The following NCKAP5 variants were observed in gnomAD, a reference collection of about 807,000 sequenced individuals.
NCKAP5 encodes NCK associated protein 5.
Under a neutral mutation model 167.0 loss-of-function variants are expected in NCKAP5, and 92 were observed. The ratio of observed to expected loss-of-function variants is 0.55; its 90% CI spans 0.47 to 0.66. NCKAP5 has a LOEUF of 0.66. NCKAP5 is among the 30% of genes least tolerant of loss of function. The probability of loss-of-function intolerance (pLI) is 0.00; values close to 1 mark genes in which losing one functional copy is unlikely to be tolerated. For synonymous variants in NCKAP5, 891 were observed against 877.4 expected (o/e 1.02, Z -0.27); for missense variants, 2,378 against 2,315.0 (o/e 1.03, Z -0.56).
At chr2:132,852,674 T>C (rs1172497467) in intron 11 of NCKAP5, among the ~76,000 whole-genome samples, 1 of 152,222 alleles carries the variant, frequency 6.6e-6, no homozygotes, top group Non-Finnish European at 1.5e-5. Context: ...CTGGGATCAA[T>C]GTAAATATAA....
At chr2:133,002,384 T>G (rs115580153) in intron 6 of NCKAP5, among the ~76,000 whole-genome samples, 2,563 of 152,296 alleles carry the variant, frequency 0.017, 30 homozygotes, top group Middle Eastern at 0.061. Context: ...ATAGAATAAT[T>G]ATGACAACAC....
chr2:133,657,025 T>C, the NCKAP5 span, among the ~76,000 whole-genome samples: 8 of 152,212 alleles, frequency 5.3e-5, no homozygotes, highest in African/African-American at 1.9e-4. Context: ...ATGCGATGTT[T>C]GGTTTTCCAT....
At chr2:132,884,152 C>T (rs760686192) in intron 8 of NCKAP5, among the ~76,000 whole-genome samples, 7 of 152,138 alleles carry the variant, frequency 4.6e-5, no homozygotes, top group African/African-American at 7.2e-5. Flanking sequence ...CTGTGAACAC[C>T]CCAGTCCCTC....
intron 8 of NCKAP5, among the ~76,000 whole-genome samples, chr2:132,941,732 T>C (rs1376866059): frequency 1.3e-5 from 2 of 152,186 alleles, no homozygotes; most frequent in Non-Finnish European, 2.9e-5. Flanking sequence ...TTAAGGCAAT[T>C]TGAGGTAATT....
intron 6 of NCKAP5, among the ~76,000 whole-genome samples, chr2:133,094,604 A>G (rs1210651885): frequency 6.6e-6 from 1 of 152,104 alleles, no homozygotes; most frequent in Non-Finnish European, 1.5e-5. Context: ...GCTCCCCTAA[A>G]ATGTCCTCTC....
the NCKAP5 span, among the ~76,000 whole-genome samples, chr2:133,630,597 T>TA: frequency 1.5e-3 from 226 of 148,144 alleles, 1 homozygote; most frequent in African/African-American, 4.7e-3. Context: ...CCTCAGAACT[T>TA]AAAAAAAAAA....
At chr2:133,456,130 A>T (rs949182502) in intron 3 of NCKAP5, among the ~76,000 whole-genome samples, 2 of 152,188 alleles carry the variant, frequency 1.3e-5, no homozygotes, top group African/African-American at 4.8e-5. Context: ...TAAATTAAGG[A>T]TGGGACCTGT....
At chr2:133,383,897 C>A (rs1472845588) in intron 3 of NCKAP5, among the ~76,000 whole-genome samples, 1 of 152,166 alleles carries the variant, frequency 6.6e-6, no homozygotes, top group African/African-American at 2.4e-5. Context: ...CCTTCGCCCA[C>A]TTTTTGATGG....
chr2:133,380,461 A>G (rs1022841474), intron 3 of NCKAP5, among the ~76,000 whole-genome samples: 2 of 152,208 alleles, frequency 1.3e-5, no homozygotes, highest in East Asian at 3.8e-4. Flanking sequence ...AAAGACCTCA[A>G]TCAACCAGTA....
intron 6 of NCKAP5, among the ~76,000 whole-genome samples, chr2:133,078,541 A>G (rs897729384): frequency 2.6e-5 from 4 of 152,072 alleles, no homozygotes; most frequent in African/African-American, 9.7e-5. Context: ...GAAATACGGG[A>G]CTGGGGTGAA....
the NCKAP5 span, among the ~76,000 whole-genome samples, chr2:133,605,970 G>A: frequency 7.7e-3 from 1,179 of 152,224 alleles, 17 homozygotes; most frequent in Admixed American, 0.041. Context: ...CACTAAAATG[G>A]AAATTGAAGC....
intron 5 of NCKAP5, among the ~76,000 whole-genome samples, chr2:133,206,474 T>A (rs2085958498): frequency 6.6e-6 from 1 of 152,214 alleles, no homozygotes; most frequent in Non-Finnish European, 1.5e-5. Context: ...ATAATACTCT[T>A]ATAATTTCTT....
chr2:133,197,236 A>T (rs533322979), intron 5 of NCKAP5, among the ~76,000 whole-genome samples: 1 of 152,302 alleles, frequency 6.6e-6, no homozygotes, highest in Admixed American at 6.5e-5. Context: ...ACCTATGTGG[A>T]TCTGATCATA....
intron 1 of NCKAP5, among the ~76,000 whole-genome samples, chr2:133,567,788 A>G (rs1447360710): frequency 6.6e-6 from 1 of 152,056 alleles, no homozygotes; most frequent in Admixed American, 6.5e-5. Context: ...AGAAAGAATC[A>G]GAGACAAAAA....
At chr2:133,140,942 T>C (rs1187319949) in intron 5 of NCKAP5, among the ~76,000 whole-genome samples, 1 of 151,972 alleles carries the variant, frequency 6.6e-6, no homozygotes, top group Non-Finnish European at 1.5e-5. Context: ...TCAAACACAG[T>C]CACAAAACCC....
At chr2:133,181,700 C>T (rs74524380) in intron 5 of NCKAP5, among the ~76,000 whole-genome samples, 3 of 151,460 alleles carry the variant, frequency 2.0e-5, no homozygotes, top group Admixed American at 2.0e-4. Context: ...ATTGCTTGAC[C>T]CTCGGAGGCA....
chr2:133,531,670 T>C (rs2104830220), intron 2 of NCKAP5, among the ~76,000 whole-genome samples: 1 of 152,314 alleles, frequency 6.6e-6, no homozygotes, highest in South Asian at 2.1e-4. Context: ...TTAGTAGTAA[T>C]GTTTTTATCC....
chr2:133,290,894 A>G (rs1307748110), intron 4 of NCKAP5, among the ~76,000 whole-genome samples: 1 of 151,806 alleles, frequency 6.6e-6, no homozygotes, highest in African/African-American at 2.4e-5. Flanking sequence ...GCTGAGACCC[A>G]GGAGCACTCA....
chr2:133,649,515 A>G, the NCKAP5 span, among the ~76,000 whole-genome samples: 1 of 152,118 alleles, frequency 6.6e-6, no homozygotes, highest in Admixed American at 6.5e-5. Context: ...ATCCAACAGC[A>G]CATTAAAAAG....
Sources: gnomAD v4.1 joint callset for allele counts (sites outside exome capture counted in the v4.1 genomes callset) on GRCh38, gnomAD v4.1.1 for gene constraint, MANE v1.5 for transcripts, NCBI Gene and HGNC (gene_info 2026-07-23, HGNC 2026-07-21) for gene names.